FARS2: variants seen among roughly 807,000 people sequenced by gnomAD.
FARS2 encodes the protein phenylalanyl-tRNA synthetase 2, mitochondrial, also known as phenylalanine--tRNA ligase, mitochondrial.
In FARS2, 40 loss-of-function variants were observed where a neutral mutation model predicts 46.4. The ratio of observed to expected loss-of-function variants is 0.86; its 90% CI spans 0.67 to 1.12. The LOEUF is 1.12. Ranked by LOEUF, FARS2 falls within the 50% of genes most tolerant of loss-of-function variation. FARS2 has a pLI of 0.00. For missense variants in FARS2, 513 were observed against 567.9 expected, an observed-to-expected ratio of 0.90 and a Z score of 0.98; for synonymous variants, 234 against 214.9, an observed-to-expected ratio of 1.09 and a Z score of -0.78.
chr6:5,264,488 CTTTTTTCT>C (rs1300432095), intron 1 of FARS2, among the ~76,000 whole-genome samples: 1 of 148,794 alleles, frequency 6.7e-6, no homozygotes, highest in African/African-American at 2.5e-5. Context: ...TTTTTCTTTT[CTTTTTTCT>C]TTTTTTTTTT....
chr6:5,711,079 C>G (rs552909386), intron 6 of FARS2, among the ~76,000 whole-genome samples: 3 of 152,060 alleles, frequency 2.0e-5, no homozygotes, highest in African/African-American at 7.2e-5. Flanking sequence ...ATACAAATAT[C>G]TCATAATGCC....
At chr6:5,622,495 C>G (rs1168308314) in intron 6 of FARS2, among the ~76,000 whole-genome samples, 1 of 152,192 alleles carries the variant, frequency 6.6e-6, no homozygotes, top group South Asian at 2.1e-4. Flanking sequence ...TATTAAGAAA[C>G]GAGGCCTTTG....
In FARS2 at chr6:5,471,969, T is replaced by A. The variant is rs1489065333; in HGVS notation, c.904+40797T>A. ...AAAATGAATGAGAAACAAGTGGAAT[T>A]CAGAATAGTCCCCCAGCTCCTTATC... On this transcript the variant is annotated intron_variant, in intron 4 of 6. Coordinates refer to ENST00000274680, the MANE Select transcript of FARS2 (RefSeq NM_006567.5). This position sits in a 1 kb window ranked among gnomAD's most constrained non-coding sequence, Gnocchi z 4.1. Among the ~76,000 whole-genome samples the A allele has an allele frequency of 1.3e-5, 2 of 152,206 alleles. No individual in the cohort carries two copies. The highest frequency in any genetic ancestry group is 4.8e-5 in the African/African-American group (2 of 41,446).
At chr6:5,399,131 TTATTATTA>T (rs1562011733) in intron 2 of FARS2, among the ~76,000 whole-genome samples, 110 of 17,510 alleles carry the variant, frequency 6.3e-3, no homozygotes, top group Admixed American at 0.055. Flanking sequence ...TATTATTTTA[TTATTATTA>T]TTATTATTAT....
intron 1 of FARS2, among the ~76,000 whole-genome samples, chr6:5,352,735 C>T (rs1232356870): frequency 6.6e-6 from 1 of 151,840 alleles, no homozygotes; most frequent in East Asian, 1.9e-4. Flanking sequence ...CTTCTGTCCT[C>T]CCTTCCTCCT....
chr6:5,340,851 C>T (rs906305371), intron 1 of FARS2, among the ~76,000 whole-genome samples: 4 of 151,676 alleles, frequency 2.6e-5, no homozygotes, highest in African/African-American at 9.7e-5. Flanking sequence ...ATAGAAGACA[C>T]AAAATGGATG....
intron 5 of FARS2, among the ~76,000 whole-genome samples, chr6:5,570,067 C>G (rs955501299): frequency 1.1e-4 from 17 of 152,172 alleles, no homozygotes; most frequent in Admixed American, 2.6e-4. Context: ...CAGCAAAAGC[C>G]AAACTCACAT....
chr6:5,546,400 A>AT (rs1771000860), intron 5 of FARS2, among the ~76,000 whole-genome samples: 2 of 151,000 alleles, frequency 1.3e-5, no homozygotes, highest in Non-Finnish European at 3.0e-5. Flanking sequence ...ACAGGCGCCC[A>AT]CCACTACGCC....
chr6:5,704,117 G>A (rs1344937143), intron 6 of FARS2, among the ~76,000 whole-genome samples: 3 of 152,204 alleles, frequency 2.0e-5, no homozygotes, highest in Non-Finnish European at 4.4e-5. Context: ...CATGCTGGCT[G>A]CTGTAACAAA....
intron 3 of FARS2, among the ~76,000 whole-genome samples, chr6:5,429,113 G>T (rs1763016736): frequency 1.3e-5 from 2 of 152,180 alleles, no homozygotes; most frequent in African/African-American, 4.8e-5. Context: ...AGGTGGGTAG[G>T]ATTACAAAGG....
chr6:5,400,617 A>ATGTG (rs1238009378), intron 2 of FARS2, among the ~76,000 whole-genome samples: 11 of 113,172 alleles, frequency 9.7e-5, no homozygotes, highest in African/African-American at 2.5e-4. Context: ...AGTAAGTTTA[A>ATGTG]TATGTGTGTA....
chr6:5,605,817 A>T (rs1293719239), intron 5 of FARS2, among the ~76,000 whole-genome samples: 2 of 152,228 alleles, frequency 1.3e-5, no homozygotes, highest in East Asian at 3.8e-4. Context: ...AAAAAAGGAA[A>T]ATTCTGAATA....
chr6:5,676,564 G>A (rs960552506), intron 6 of FARS2, among the ~76,000 whole-genome samples: 4 of 152,182 alleles, frequency 2.6e-5, no homozygotes, highest in African/African-American at 9.6e-5. Context: ...CATGAAGGTG[G>A]ACTGTATGCC....
At chr6:5,641,051 C>G (rs1776791181) in intron 6 of FARS2, among the ~76,000 whole-genome samples, 1 of 152,178 alleles carries the variant, frequency 6.6e-6, no homozygotes, top group Non-Finnish European at 1.5e-5. Flanking sequence ...GGAGAGGAGG[C>G]CAGCTTGTCA....
chr6:5,351,562 C>T (rs1365942558), intron 1 of FARS2, among the ~76,000 whole-genome samples: 1 of 152,148 alleles, frequency 6.6e-6, no homozygotes. Context: ...CCACAACAAA[C>T]TACATTTCTT....
chr6:5,389,830 T>C (rs1388764512), intron 2 of FARS2, among the ~76,000 whole-genome samples: 2 of 150,708 alleles, frequency 1.3e-5, no homozygotes, highest in Non-Finnish European at 1.5e-5. Flanking sequence ...ACAGTTTTTT[T>C]GTTTTTGTCG....
intron 1 of FARS2, among the ~76,000 whole-genome samples, chr6:5,359,284 G>A (rs953377756): frequency 2.6e-5 from 4 of 151,840 alleles, no homozygotes; most frequent in Non-Finnish European, 5.9e-5. Flanking sequence ...AGGGTGATCC[G>A]CCCACCTCGG....
chr6:5,516,374 GCAA>G (rs773675622), intron 4 of FARS2, among the ~76,000 whole-genome samples: 3 of 152,196 alleles, frequency 2.0e-5, no homozygotes, highest in East Asian at 1.9e-4. Flanking sequence ...AGTAGTAACA[GCAA>G]CAACAACCAA....
intron 5 of FARS2, among the ~76,000 whole-genome samples, chr6:5,590,617 A>T (rs1773860857): frequency 6.6e-6 from 1 of 152,212 alleles, no homozygotes; most frequent in African/African-American, 2.4e-5. Flanking sequence ...TGCACTATTC[A>T]CATTCATCTT....
Sources: allele counts gnomAD v4.1 joint callset (sites outside exome capture counted in the v4.1 genomes callset), GRCh38; gene constraint gnomAD v4.1.1; non-coding constraint Gnocchi (gnomAD v3.1); transcripts MANE v1.5; gene names NCBI Gene and HGNC (gene_info 2026-07-23, HGNC 2026-07-21).